Variants in KDM4C observed in about 807,000 individuals in gnomAD.
KDM4C encodes lysine-specific demethylase 4C.
In KDM4C, 81 loss-of-function variants were observed where a neutral mutation model predicts 129.3. That is an observed-to-expected ratio of 0.63 (90% confidence interval 0.52 to 0.75). The LOEUF (loss-of-function observed/expected upper bound fraction) is 0.75. Ranked by LOEUF, KDM4C falls within the 30% of genes least tolerant of loss-of-function variation. The pLI is 0.00. For synonymous variants in KDM4C, 573 were observed against 456.1 expected (o/e 1.26, Z -3.26); for missense variants, 1,457 against 1,304.0 (o/e 1.12, Z -1.81).
At chr9:7,115,721 TC>T (rs779774682) in intron 18 of KDM4C, among the ~76,000 whole-genome samples, 13 of 152,220 alleles carry the variant, frequency 8.5e-5, no homozygotes, top group African/African-American at 3.1e-4. Context: ...TGATTGTATG[TC>T]CACTTTCAAC....
intron 8 of KDM4C, among the ~76,000 whole-genome samples, chr9:6,916,118 T>C (rs1820263413): frequency 6.6e-6 from 1 of 152,114 alleles, no homozygotes; most frequent in South Asian, 2.1e-4. Flanking sequence ...TGAGTAAAGA[T>C]GGGGGCTAGA....
At chr9:7,094,160 T>TATTGACC (rs1469135288) in intron 17 of KDM4C, among the ~76,000 whole-genome samples, 1 of 152,168 alleles carries the variant, frequency 6.6e-6, no homozygotes, top group African/African-American at 2.4e-5. Flanking sequence ...ACTGCAGAAA[T>TATTGACC]ATTGACCATT....
chr9:7,022,626 A>G (rs1382113328), intron 15 of KDM4C, among the ~76,000 whole-genome samples: 1 of 130,706 alleles, frequency 7.7e-6, no homozygotes, highest in Non-Finnish European at 1.6e-5. Flanking sequence ...CAATTTGCAA[A>G]CCCTTTATTT....
upstream of KDM4C, chr9:6,757,608 T>A (rs930167241): frequency 1.7e-5 from 17 of 985,068 alleles, no homozygotes; most frequent in Non-Finnish European, 1.9e-5. Context: ...TCCACCCCGG[T>A]AACGCCACGC....
chr9:6,991,975 A>G (rs971473809), intron 12 of KDM4C, among the ~76,000 whole-genome samples: 13 of 152,164 alleles, frequency 8.5e-5, no homozygotes, highest in African/African-American at 3.1e-4. Context: ...GTAATGAAAC[A>G]TATTTGCATT....
At chr9:6,866,967 ATGTTTG>A (rs1332602296) in intron 5 of KDM4C, among the ~76,000 whole-genome samples, 21 of 104,962 alleles carry the variant, frequency 2.0e-4, no homozygotes, top group Non-Finnish European at 3.9e-4. Flanking sequence ...ATAAAAATAT[ATGTTTG>A]TGTGTGTGTG....
intron 5 of KDM4C, among the ~76,000 whole-genome samples, chr9:6,876,847 G>A (rs372846162): frequency 6.6e-6 from 1 of 152,054 alleles, no homozygotes; most frequent in African/African-American, 2.4e-5. Context: ...ATTCTGACTT[G>A]GGCCATTGTG....
At chr9:7,077,657 G>A (rs138323220) in intron 17 of KDM4C, among the ~76,000 whole-genome samples, 119 of 152,290 alleles carry the variant, frequency 7.8e-4, no homozygotes, top group Non-Finnish European at 1.4e-3. Context: ...AGAAGTGGGA[G>A]GTCTATGACT....
intron 5 of KDM4C, among the ~76,000 whole-genome samples, chr9:6,875,308 A>G (rs1239232600): frequency 6.6e-6 from 1 of 152,168 alleles, no homozygotes; most frequent in Non-Finnish European, 1.5e-5. Flanking sequence ...AGGAAGGTAG[A>G]AATACACATG....
At chr9:7,071,940 A>T (rs530310336) in intron 17 of KDM4C, among the ~76,000 whole-genome samples, 1 of 152,310 alleles carries the variant, frequency 6.6e-6, no homozygotes, top group East Asian at 1.9e-4. Context: ...TGTCTCCAGG[A>T]TATATAAAGA....
intron 1 of KDM4C, among the ~76,000 whole-genome samples, chr9:6,790,061 G>A (rs895173916): frequency 6.6e-6 from 1 of 150,560 alleles, no homozygotes. Context: ...GATCGCCTGA[G>A]GTCAGGAGTT....
At chr9:6,892,393 G>A (rs1316128057) in intron 7 of KDM4C, among the ~76,000 whole-genome samples, 3 of 151,870 alleles carry the variant, frequency 2.0e-5, no homozygotes, top group Non-Finnish European at 2.9e-5. Context: ...TGTTGCTTTG[G>A]TGATTGTAAA....
In KDM4C at chr9:7,039,284, G is replaced by A. The variant is rs772726703; in HGVS notation, c.2260-7578G>A. ...TGTTACTGAATAGTTTTTGGTGTGA[G>A]GTTTTGGTTATTTATTCAGCTCTGT... is the stretch of plus-strand genomic sequence containing the variant. On this transcript the variant is annotated intron_variant, in intron 15 of 21. Transcript: ENST00000381309. Among the ~76,000 whole-genome samples, 5 of 151,960 alleles carry A rather than the reference G, an allele frequency of 3.3e-5. No individual in the cohort carries two copies. The South Asian group carries it at 6.2e-4, about 19-fold the overall frequency.
chr9:6,793,422 G>A (rs1160582657), intron 2 of KDM4C, among the ~76,000 whole-genome samples: 1 of 151,932 alleles, frequency 6.6e-6, no homozygotes, highest in Non-Finnish European at 1.5e-5. Flanking sequence ...TCAGAGGTGT[G>A]AGAGTATTCA....
chr9:6,945,191 A>G (rs1445631344), intron 8 of KDM4C, among the ~76,000 whole-genome samples: 2 of 152,156 alleles, frequency 1.3e-5, no homozygotes, highest in Non-Finnish European at 2.9e-5. Flanking sequence ...CTTACACACA[A>G]GGAAGCTTGT....
intron 15 of KDM4C, among the ~76,000 whole-genome samples, chr9:7,033,021 C>A (rs1285115938): frequency 6.6e-6 from 1 of 152,034 alleles, no homozygotes; most frequent in Non-Finnish European, 1.5e-5. Flanking sequence ...TGGCATTTTT[C>A]TTTTTCGAAG....
intron 8 of KDM4C, among the ~76,000 whole-genome samples, chr9:6,959,489 A>T (rs1391204462): frequency 6.6e-6 from 1 of 152,178 alleles, no homozygotes; most frequent in Non-Finnish European, 1.5e-5. Flanking sequence ...TCGTTATCTT[A>T]GCATAGTGCC....
rs142463463 is a variant in KDM4C, at chr9:6,733,875, A to G, written c.49+12878A>G. 9.5e-3 allele frequency among the ~76,000 whole-genome samples: 1,448 copies of G among 152,242 alleles called. 22 individuals are homozygous for G. The highest frequency in any genetic ancestry group is 0.033 in the African/African-American group (1,378 of 41,530). The stretch of plus-strand genomic sequence containing the variant: ...TAGGTTAACTTCCTGATGTTGCCAT[A>G]GCTTTTGTAAACTGTCATGGCGCTG... On this transcript the variant is annotated intron_variant, in intron 1 of 17. Coordinates refer to the KDM4C transcript ENST00000536108.
chr9:6,870,697 TTGTTATC>T, intron 5 of KDM4C, among the ~76,000 whole-genome samples: 1 of 151,858 alleles, frequency 6.6e-6, no homozygotes, highest in African/African-American at 2.4e-5. Flanking sequence ...CATTTTGGGG[TTGTTATC>T]TGTTAAAAAA....
Sources: allele counts gnomAD v4.1 joint callset (sites outside exome capture counted in the v4.1 genomes callset), GRCh38; gene constraint gnomAD v4.1.1; transcripts MANE v1.5; gene names NCBI Gene and HGNC (gene_info 2026-07-23, HGNC 2026-07-21).